Variants in STUM observed in about 807,000 individuals in gnomAD.
STUM encodes stum, mechanosensory transduction mediator homolog.
STUM carries 8 observed loss-of-function variants against 15.3 expected under a neutral mutation model. That is an observed-to-expected ratio of 0.52 (90% CI 0.31 to 0.94). STUM has a LOEUF of 0.94. Ranked by LOEUF, STUM falls within the 40% of genes least tolerant of loss-of-function variation. STUM has a pLI of 0.05. For missense variants in STUM, 142 were observed against 204.9 expected, an observed-to-expected ratio of 0.69 and a Z score of 1.87; for synonymous variants, 78 against 88.7, an observed-to-expected ratio of 0.88 and a Z score of 0.68.
chr1:226,568,128 C>T (rs1039279270), intron 1 of STUM, among the ~76,000 whole-genome samples: 1 of 152,350 alleles, frequency 6.6e-6, no homozygotes, highest in Middle Eastern at 3.4e-3. Flanking sequence ...TGCACAGTCT[C>T]ACACTTCACA....
chr1:226,579,293 G>A (rs1667873833), intron 1 of STUM, among the ~76,000 whole-genome samples: 1 of 152,242 alleles, frequency 6.6e-6, no homozygotes, highest in Non-Finnish European at 1.5e-5. Flanking sequence ...GATGGGGCAT[G>A]GGGATGCCAG....
At chr1:226,579,399 T>C (rs1200104890) in intron 1 of STUM, among the ~76,000 whole-genome samples, 1 of 152,166 alleles carries the variant, frequency 6.6e-6, no homozygotes, top group East Asian at 1.9e-4. Context: ...AATACAGTGG[T>C]ATCAGCAAAA....
chr1:226,600,697 G>A lies in STUM; in HGVS notation c.391+23G>A, dbSNP rs375717570. On this transcript the variant is annotated intron_variant, in intron 3 of 3. Coordinates refer to ENST00000366788, the MANE Select transcript of STUM (RefSeq NM_001003665.4). The surrounding 1 kb of genome is among the most constrained non-coding windows in gnomAD (Gnocchi z 5.2). ...AAGGTGAGTCTGCGGATGGACGTGC[G>A]GGCCTCGTGCTGCTGCTTGGGGCCC... is the stretch of plus-strand genomic sequence containing the variant. The A allele has an allele frequency of 1.5e-5, 24 of 1,609,588 alleles. No homozygotes were observed. The highest frequency in any genetic ancestry group is 4.5e-5 in the East Asian group (2 of 44,882).
intron 1 of STUM, among the ~76,000 whole-genome samples, chr1:226,575,174 G>A (rs576895506): frequency 6.6e-6 from 1 of 152,222 alleles, no homozygotes; most frequent in Non-Finnish European, 1.5e-5. Flanking sequence ...GGTACCAGGA[G>A]CAGTCGCCTG....
At chr1:226,572,699 C>T (rs1299633816) in intron 1 of STUM, among the ~76,000 whole-genome samples, 1 of 152,156 alleles carries the variant, frequency 6.6e-6, no homozygotes, top group East Asian at 1.9e-4. Flanking sequence ...GGGAAAGTGC[C>T]CCAACCTCTG....
intron 1 of STUM, among the ~76,000 whole-genome samples, chr1:226,550,339 C>T (rs1234088530): frequency 6.6e-6 from 1 of 152,198 alleles, no homozygotes; most frequent in Non-Finnish European, 1.5e-5. Context: ...CTGCTGCGGC[C>T]AGAGCAGCCT....
intron 1 of STUM, among the ~76,000 whole-genome samples, chr1:226,559,325 G>C (rs1667499614): frequency 6.6e-6 from 1 of 152,134 alleles, no homozygotes; most frequent in Non-Finnish European, 1.5e-5. Flanking sequence ...GAACTTTAGG[G>C]CGGCTGCAAC....
intron 1 of STUM, among the ~76,000 whole-genome samples, chr1:226,585,794 G>A (rs773650257): frequency 7.9e-5 from 12 of 152,202 alleles, no homozygotes; most frequent in Non-Finnish European, 1.5e-4. Flanking sequence ...TGAATGAAAT[G>A]AATTCGGTAT....
At chr1:226,554,360 A>G (rs897917287) in intron 1 of STUM, among the ~76,000 whole-genome samples, 1 of 152,236 alleles carries the variant, frequency 6.6e-6, no homozygotes, top group Non-Finnish European at 1.5e-5. Flanking sequence ...CTAACAGCAG[A>G]TGGTAGGGTA....
chr1:226,593,397 TG>T (rs1653242498), intron 1 of STUM, among the ~76,000 whole-genome samples: 1 of 152,042 alleles, frequency 6.6e-6, no homozygotes, highest in Admixed American at 6.6e-5. Flanking sequence ...GTCACCACCC[TG>T]CCCCCTGCAC....
chr1:226,562,486 A>G (rs1667558806), intron 1 of STUM, among the ~76,000 whole-genome samples: 1 of 152,070 alleles, frequency 6.6e-6, no homozygotes, highest in South Asian at 2.1e-4. Context: ...AAAAAAAAAA[A>G]AAAGAAAAGA....
At chr1:226,562,579 A>G (rs1667560852) in intron 1 of STUM, among the ~76,000 whole-genome samples, 1 of 152,158 alleles carries the variant, frequency 6.6e-6, no homozygotes, top group Non-Finnish European at 1.5e-5. Flanking sequence ...TGATATCCTG[A>G]GAGGAACACA....
At chr1:226,566,458 T>G (rs1441722610) in intron 1 of STUM, among the ~76,000 whole-genome samples, 1 of 152,320 alleles carries the variant, frequency 6.6e-6, no homozygotes, top group Middle Eastern at 3.4e-3. Context: ...ATGCAACTGC[T>G]AAAAACCTAT....
chr1:226,602,006 G>A lies in STUM; in HGVS notation c.392G>A (p.Gly131Asp). 3 of 1,609,434 alleles carry A rather than the reference G, an allele frequency of 1.9e-6. No individual in the cohort carries two copies. Among genetic ancestry groups the A allele is most frequent in the Non-Finnish European group, 2.5e-6 (3 of 1,179,754 alleles). The change falls in exon 4 of 4, where the codon GGC becomes GAC. Residue 131 changes from glycine to aspartate, a missense_variant and splice_region_variant. Gly to Asp is a moderately conservative substitution (Grantham distance 94, BLOSUM62 -1). This residue lies in a region of STUM where 29 missense variants were observed against 70.5 expected (regional missense o/e 0.41). Coordinates refer to ENST00000366788, the MANE Select transcript of STUM (RefSeq NM_001003665.4). ...TCTCTCCTTTGCTTCTTCCTCACAG[G>A]CTACAAGGAGCAGGGCATCCCACAG... is the stretch of plus-strand genomic sequence containing the variant. The part of the protein sequence containing the change: ...MDMVILAISQ[G>D]YKEQGIPQQL
Position 226,567,280 on chromosome 1 carries a change from G to A in STUM, c.202+18174G>A, listed in dbSNP as rs1203301884. 2.0e-5 allele frequency among the ~76,000 whole-genome samples: 3 copies of A among 152,178 alleles called. No homozygotes were observed. The highest frequency in any genetic ancestry group is 2.4e-5 in the African/African-American group (1 of 41,432). On this transcript the variant is annotated intron_variant, in intron 1 of 3. Transcript: ENST00000366788. This position sits in a 1 kb window ranked among gnomAD's most constrained non-coding sequence, Gnocchi z 4.5. ...CTGGAGCTATCCAACGGGTGGTGAC[G>A]GCCCCGCGGGCTCTTTTCTCAAACC...
At chr1:226,598,013 G>GAA (rs1668211403) in intron 2 of STUM, among the ~76,000 whole-genome samples, 2 of 152,354 alleles carry the variant, frequency 1.3e-5, no homozygotes, top group African/African-American at 4.8e-5. Context: ...CCTGGGAGGG[G>GAA]TGTGCTCAGG....
At position 226,565,088 on chromosome 1, in the gene STUM, A is replaced by T. The variant is rs891006948; in HGVS notation, c.202+15982A>T. Among the ~76,000 whole-genome samples, 1 of 152,184 alleles carries T rather than the reference A, an allele frequency of 6.6e-6. No individual in the cohort carries two copies. The highest frequency in any genetic ancestry group is 2.4e-5 in the African/African-American group (1 of 41,438). ...TAGCCAATGGGAGGCACTGGTAGGCATGGAGGAAAGGAGGGAGAGTTTGGG... is the reference window on the plus strand; with the variant it reads ...TAGCCAATGGGAGGCACTGGTAGGCTTGGAGGAAAGGAGGGAGAGTTTGGG... On this transcript the variant is annotated intron_variant, in intron 1 of 3. Transcript: ENST00000366788. The surrounding 1 kb of genome is among the most constrained non-coding windows in gnomAD (Gnocchi z 4.4).
Position 226,604,664 on chromosome 1 carries a change from G to A in STUM, c.*2624G>A, listed in dbSNP as rs188907769. On this transcript the variant is annotated 3_prime_UTR_variant, in exon 4 of 4. Transcript: ENST00000366788. This position sits in a 1 kb window ranked among gnomAD's most constrained non-coding sequence, Gnocchi z 4.7. ...GCCAGAGTTAACTTCTCAAACACCAGCCAGCTGAAAATTAGGGTTCTCGTG... is the reference window on the plus strand; with the variant it reads ...GCCAGAGTTAACTTCTCAAACACCAACCAGCTGAAAATTAGGGTTCTCGTG... 10 of 152,408 alleles carry A rather than the reference G, an allele frequency of 6.6e-5. No individual in the cohort carries two copies. The East Asian group carries it at 9.6e-4, about 15-fold the overall frequency. The allele number at this position is 152,408 out of a possible 1,614,324, so 9.4% of individuals were successfully genotyped here.
At chr1:226,571,120 A>G (rs1667703615) in intron 1 of STUM, among the ~76,000 whole-genome samples, 1 of 152,178 alleles carries the variant, frequency 6.6e-6, no homozygotes, top group African/African-American at 2.4e-5. Flanking sequence ...AATCCCATCT[A>G]TTCGGGAGGC....
Sources: gnomAD v4.1 joint callset for allele counts (sites outside exome capture counted in the v4.1 genomes callset) on GRCh38, gnomAD v4.1.1 for gene constraint, gnomAD v4.1.1 regional missense constraint, Gnocchi (gnomAD v3.1) non-coding constraint, MANE v1.5 for transcripts, NCBI Gene and HGNC (gene_info 2026-07-23, HGNC 2026-07-21) for gene names.